CES1: variants seen among roughly 807,000 people sequenced by gnomAD.
The protein encoded by CES1 is liver carboxylesterase 1.
A neutral mutation model predicts 53.0 loss-of-function variants in CES1; 50 were observed. The ratio of observed to expected loss-of-function variants is 0.94; its 90% CI spans 0.75 to 1.19. The LOEUF is 1.19. CES1 is among the 50% of genes most tolerant of loss of function. CES1 has a pLI of 0.00. For synonymous variants in CES1, 202 were observed against 210.1 expected, an observed-to-expected ratio of 0.96 and a Z score of 0.33; for missense variants, 534 against 538.0, an observed-to-expected ratio of 0.99 and a Z score of 0.07.
rs2031645120 is a variant in CES1 at position 55,810,618 on chromosome 16, C to T, written c.1217G>A (p.Gly406Glu). 1 of 1,614,154 alleles carries T rather than the reference C, an allele frequency of 6.2e-7. No homozygotes were observed. The highest frequency in any genetic ancestry group is 2.2e-5 in the East Asian group (1 of 44,890). ...CTTTTTGACAGTGTCGTCTGTTCCTCCTAAGTATTTCTCAGTGGCTTCTGG... is the reference window on the plus strand; with the variant it reads ...CTTTTTGACAGTGTCGTCTGTTCCTTCTAAGTATTTCTCAGTGGCTTCTGG... ...LIPEATEKYLGGTDDTVKKKD... is the reference protein window; with the variant it reads ...LIPEATEKYLEGTDDTVKKKD... The change falls in exon 11 of 14, where the codon GGA becomes GAA. Residue 406 changes from glycine to glutamate, a missense_variant. Coordinates refer to ENST00000360526, the MANE Select transcript of CES1 (RefSeq NM_001025195.2).
At chr16:55,830,555 C>T (rs1451921456) in intron 1 of CES1, among the ~76,000 whole-genome samples, 1 of 152,138 alleles carries the variant, frequency 6.6e-6, no homozygotes, top group South Asian at 2.1e-4. Flanking sequence ...GTAATCCCAG[C>T]ACTTTGGGAG....
At chr16:55,810,834 G>C in intron 10 of CES1, 93 bp downstream of exon 10, 1 of 1,411,150 alleles carries the variant, frequency 7.1e-7, no homozygotes, top group Non-Finnish European at 1.0e-6. Context: ...TGAGGCCCCA[G>C]TCTTCATTCT....
chr16:55,812,578 C>T, intron 9 of CES1: 1 of 431,126 alleles, frequency 2.3e-6, no homozygotes, highest in South Asian at 2.3e-5. Flanking sequence ...CTCCGGACTC[C>T]TCCACTCCTT....
chr16:55,809,514 G>C (rs543255645), intron 11 of CES1, among the ~76,000 whole-genome samples: 23 of 152,354 alleles, frequency 1.5e-4, no homozygotes, highest in African/African-American at 5.5e-4. Flanking sequence ...CTGGCACGCA[G>C]GAACAGACAC....
chr16:55,829,023 C>A lies in CES1; in HGVS notation c.53-49G>T, dbSNP rs112101896. ...ATGCATCAGAGGCAAAAGGCTGGAC[C>A]CAGATTCCAGGTGGAGTTTGCCGCT... On this transcript the variant is annotated intron_variant, in intron 1 of 13. Transcript: ENST00000360526. 761 of 1,555,964 alleles carry A rather than the reference C, an allele frequency of 4.9e-4. No homozygotes were observed. In the African/African-American group the frequency reaches 9.2e-3, roughly 19 times the overall value.
rs1208106252 is a variant in CES1, at chr16:55,817,452, G to C, written c.907-490C>G. On this transcript the variant is annotated intron_variant, in intron 7 of 13. Coordinates refer to ENST00000360526, the MANE Select transcript of CES1 (RefSeq NM_001025195.2). ...TTTTCTGTTCAAGGTACTTGGGAGA[G>C]TTTCCTCATCTCCCATTAGAAAGCC... Among the ~76,000 whole-genome samples, 5 of 152,322 alleles carry C rather than the reference G, an allele frequency of 3.3e-5. No individual in the cohort carries two copies. In the South Asian group the frequency reaches 1.0e-3, roughly 32 times the overall value.
chr16:55,832,616 C>T (rs1189381366), intron 1 of CES1, among the ~76,000 whole-genome samples: 1 of 152,236 alleles, frequency 6.6e-6, no homozygotes, highest in Non-Finnish European at 1.5e-5. Flanking sequence ...CCAGCGGGGA[C>T]TCGAACCCAC....
Position 55,816,969 on chromosome 16 carries a change from A to G in CES1, c.907-7T>C. ...AGTCCAGAGATAAGAATTTCTGTGA[A>G]GACAAAGGCAGAGGATGTGGGTGAG... is the stretch of plus-strand genomic sequence containing the variant. On this transcript the variant is annotated splice_polypyrimidine_tract_variant and splice_region_variant and intron_variant, in intron 7 of 13. Coordinates refer to ENST00000360526, the MANE Select transcript of CES1 (RefSeq NM_001025195.2). 4 of 1,614,186 alleles carry G rather than the reference A, an allele frequency of 2.5e-6. No individual in the cohort carries two copies. The highest frequency in any genetic ancestry group is 3.4e-6 in the Non-Finnish European group (4 of 1,180,026).
At chr16:55,808,666 G>A (rs1352199081) in intron 11 of CES1, among the ~76,000 whole-genome samples, 2 of 152,124 alleles carry the variant, frequency 1.3e-5, no homozygotes, top group Non-Finnish European at 2.9e-5. Context: ...AGAGACTTAT[G>A]AACATTAGGC....
intron 1 of CES1, among the ~76,000 whole-genome samples, chr16:55,830,629 C>A (rs1274001050): frequency 2.0e-5 from 3 of 151,792 alleles, no homozygotes; most frequent in Admixed American, 1.3e-4. Context: ...ATGGTGAAAC[C>A]CCCTCTCTAC....
intron 3 of CES1, 81 bp downstream of exon 3, chr16:55,826,070 C>A: frequency 6.3e-7 from 1 of 1,577,640 alleles, no homozygotes; most frequent in Non-Finnish European, 8.7e-7. Context: ...CCCCAAGCTG[C>A]CTTCACTCCC....
chr16:55,823,858 A>G (rs557626989), intron 3 of CES1, among the ~76,000 whole-genome samples, 175 bp from the exon 4 acceptor site: 94 of 152,354 alleles, frequency 6.2e-4, no homozygotes, highest in African/African-American at 2.1e-3. Context: ...AATTCTCCCA[A>G]CTGGGACCCA....
At chr16:55,818,741 T>C (rs193059700) in intron 7 of CES1, among the ~76,000 whole-genome samples, 2 of 151,742 alleles carry the variant, frequency 1.3e-5, no homozygotes, top group East Asian at 3.9e-4. Context: ...ATATTTAGCA[T>C]GGATGGATGG....
At chr16:55,826,961 A>T (rs1158421495) in intron 2 of CES1, among the ~76,000 whole-genome samples, 2 of 152,208 alleles carry the variant, frequency 1.3e-5, no homozygotes, top group African/African-American at 4.8e-5. Context: ...TAGTCCCATT[A>T]GGTAGGTTCT....
chr16:55,825,797 C>A (rs2142347426), intron 3 of CES1, among the ~76,000 whole-genome samples: 1 of 152,358 alleles, frequency 6.6e-6, no homozygotes, highest in Non-Finnish European at 1.5e-5. Context: ...GTTGGCTTTT[C>A]TCTAAGTTCT....
intron 2 of CES1, among the ~76,000 whole-genome samples, 167 bp from the exon 3 acceptor site, chr16:55,826,462 G>A (rs1293168850): frequency 1.2e-4 from 18 of 152,126 alleles, no homozygotes; most frequent in Non-Finnish European, 2.1e-4. Flanking sequence ...AGGTGGGGGC[G>A]CTGGGACTCA....
At chr16:55,813,177 C>G (rs1277589471) in intron 8 of CES1, 134 bp from the exon 9 acceptor site, 1 of 1,258,354 alleles carries the variant, frequency 7.9e-7, no homozygotes, top group South Asian at 1.2e-5. Context: ...TGCTCAGGAT[C>G]CTAACTTAGG....
At chr16:55,822,121 G>A (rs542053239) in intron 4 of CES1, among the ~76,000 whole-genome samples, 2 of 152,376 alleles carry the variant, frequency 1.3e-5, no homozygotes, top group East Asian at 1.9e-4. Context: ...GTCAGGAGGT[G>A]CAGCTAGAGA....
chr16:55,819,547 C>T lies in CES1; in HGVS notation c.894G>A (p.Thr298=), dbSNP rs114275306. The change falls in exon 7 of 14, where the codon ACG becomes ACA. Residue 298 remains threonine (T), a synonymous_variant. Coordinates refer to ENST00000360526, the MANE Select transcript of CES1 (RefSeq NM_001025195.2). ...ACAGGCAACCTACCATTTTCAATGT[C>T]GTCTCCAAGAGCTCCTCTTCCGTCT... ...RQKTEEELLE[T]TLKMKFLSLD... 138 of 1,613,340 alleles carry T rather than the reference C, an allele frequency of 8.6e-5. No homozygotes were observed. In the East Asian group the frequency reaches 1.4e-3, roughly 16 times the overall value.
Sources: allele counts gnomAD v4.1 joint callset (sites outside exome capture counted in the v4.1 genomes callset), GRCh38; gene constraint gnomAD v4.1.1; transcripts MANE v1.5; gene names NCBI Gene and HGNC (gene_info 2026-07-23, HGNC 2026-07-21).